Variants in HBS1L observed in about 807,000 individuals in gnomAD.
The protein encoded by HBS1L is HBS1 like translational GTPase, also known as HBS1-like protein.
In HBS1L, 55 loss-of-function variants were observed where a neutral mutation model predicts 88.9. The ratio of observed to expected loss-of-function variants is 0.62; its 90% confidence interval spans 0.50 to 0.77. The LOEUF is 0.77. Among genes scored for constraint, HBS1L ranks in the 30% least tolerant of loss-of-function variants. HBS1L has a pLI of 0.00. For synonymous variants in HBS1L, 267 were observed against 288.5 expected (o/e 0.93, Z 0.76); for missense variants, 741 against 829.3 (o/e 0.89, Z 1.31).
At chr6:135,002,560 C>A in intron 5 of HBS1L, 174 bp downstream of exon 5, 1 of 464,944 alleles carries the variant, frequency 2.2e-6, no homozygotes, top group Non-Finnish European at 3.9e-6. Context: ...AGGCCAGAAT[C>A]AAGCCTAATT....
rs564961442 is a variant in HBS1L at position 134,964,412 on chromosome 6, C to T, written c.*867G>A. 1.3e-5 allele frequency: 2 copies of T among 152,038 alleles called. No homozygotes were observed. Among genetic ancestry groups the T allele is most frequent in the East Asian group, 3.9e-4 (2 of 5,188 alleles). 9.4% of individuals were successfully genotyped at this position (152,038 alleles called of 1,614,324 possible). On this transcript the variant is annotated 3_prime_UTR_variant, in exon 18 of 18. Coordinates refer to ENST00000367837, the MANE Select transcript of HBS1L (RefSeq NM_006620.4). ...TAAGGTAAGCAAGATAAAGAAAGGG[C>T]CATCATAGGTATAATTCTAAAAGTG...
At chr6:135,035,445 AAAT>A (rs1776507236) in intron 4 of HBS1L, among the ~76,000 whole-genome samples, 1 of 149,578 alleles carries the variant, frequency 6.7e-6, no homozygotes, top group Non-Finnish European at 1.5e-5. Flanking sequence ...ATCTTAAAAA[AAAT>A]AATAAGAACA....
chr6:135,024,042 C>T (rs1236017108), intron 4 of HBS1L, among the ~76,000 whole-genome samples: 4 of 152,096 alleles, frequency 2.6e-5, no homozygotes, highest in African/African-American at 9.7e-5. Context: ...AGTGAAACCT[C>T]GCTCCACATA....
intron 7 of HBS1L, among the ~76,000 whole-genome samples, chr6:134,995,552 GC>G (rs1477339103): frequency 1.3e-5 from 2 of 151,778 alleles, no homozygotes; most frequent in African/African-American, 4.8e-5. Context: ...TAGTTCACTT[GC>G]CAGCTCAACT....
intron 4 of HBS1L, among the ~76,000 whole-genome samples, chr6:135,012,935 G>T (rs181695498): frequency 2.6e-5 from 4 of 152,258 alleles, no homozygotes; most frequent in African/African-American, 9.6e-5. Context: ...GAGCCTCTGA[G>T]GTAATTACCA....
intron 4 of HBS1L, among the ~76,000 whole-genome samples, chr6:135,013,308 T>C (rs150349759): frequency 1.3e-5 from 2 of 152,346 alleles, no homozygotes; most frequent in Non-Finnish European, 2.9e-5. Flanking sequence ...AAATGCCAAC[T>C]TCTTTTTCTC....
chr6:135,026,282 A>C (rs1478216706), intron 4 of HBS1L, among the ~76,000 whole-genome samples: 1 of 152,220 alleles, frequency 6.6e-6, no homozygotes, highest in Non-Finnish European at 1.5e-5. Flanking sequence ...TGAGAAATAG[A>C]AAAGGGGTAA....
Position 135,054,694 on chromosome 6 carries a change from C to G in HBS1L, c.-3G>C. The G allele has an allele frequency of 6.2e-7, 1 of 1,614,276 alleles. No individual in the cohort carries two copies. ...CGAACATTCCGATGCCGGGCCATGACGGCGGAGAGGGCGTTTGCCACAGCC... is the reference window on the plus strand; with the variant it reads ...CGAACATTCCGATGCCGGGCCATGAGGGCGGAGAGGGCGTTTGCCACAGCC... On this transcript the variant is annotated 5_prime_UTR_variant, in exon 1 of 18. Coordinates refer to ENST00000367837, the MANE Select transcript of HBS1L (RefSeq NM_006620.4).
At chr6:135,022,939 G>A (rs1489063714) in intron 4 of HBS1L, among the ~76,000 whole-genome samples, 2 of 150,280 alleles carry the variant, frequency 1.3e-5, no homozygotes, top group South Asian at 4.2e-4. Flanking sequence ...AAAAAAAAGA[G>A]GTTGCATCTC....
At chr6:135,012,471 G>A (rs1775803275) in intron 4 of HBS1L, among the ~76,000 whole-genome samples, 1 of 152,146 alleles carries the variant, frequency 6.6e-6, no homozygotes, top group African/African-American at 2.4e-5. Flanking sequence ...AAAATGACTT[G>A]TGCCTGTAGT....
At chr6:135,036,017 C>T (rs1776537487) in intron 4 of HBS1L, 1 of 671,632 alleles carries the variant, frequency 1.5e-6, no homozygotes. Flanking sequence ...TTTCAACAAT[C>T]TCCACAGTAC....
chr6:135,014,173 G>A (rs1159784816), intron 4 of HBS1L, among the ~76,000 whole-genome samples: 1 of 151,890 alleles, frequency 6.6e-6, no homozygotes, highest in Non-Finnish European at 1.5e-5. Context: ...TGAACAAACA[G>A]GAAATACCTT....
chr6:135,046,763 TAA>T (rs1344007822), intron 2 of HBS1L, among the ~76,000 whole-genome samples: 1 of 152,220 alleles, frequency 6.6e-6, no homozygotes, highest in Non-Finnish European at 1.5e-5. Flanking sequence ...AATTAATTGA[TAA>T]AGTCTTTCAA....
At chr6:134,995,495 T>C (rs937880314) in intron 7 of HBS1L, among the ~76,000 whole-genome samples, 1 of 151,906 alleles carries the variant, frequency 6.6e-6, no homozygotes, top group Non-Finnish European at 1.5e-5. Flanking sequence ...AGATGTATTA[T>C]CAAAAAAGCT....
intron 9 of HBS1L, 81 bp downstream of exon 9, chr6:134,987,564 A>G (rs1478825889): frequency 9.5e-6 from 9 of 951,114 alleles, no homozygotes; most frequent in Admixed American, 8.6e-5. Context: ...AATGTACACT[A>G]GTCACATCTA....
intron 4 of HBS1L, among the ~76,000 whole-genome samples, chr6:135,030,572 T>C (rs575038186): frequency 6.6e-6 from 1 of 152,280 alleles, no homozygotes; most frequent in Admixed American, 6.5e-5. Flanking sequence ...TTAGAAAACT[T>C]ATTCTGGCCG....
chr6:135,037,821 T>C, intron 4 of HBS1L: 1 of 1,547,250 alleles, frequency 6.5e-7, no homozygotes, highest in Non-Finnish European at 8.7e-7. Flanking sequence ...ATGATTCTAG[T>C]TTCTTTTCAC....
intron 4 of HBS1L, among the ~76,000 whole-genome samples, chr6:135,011,252 G>A (rs1218587725): frequency 6.6e-6 from 1 of 152,182 alleles, no homozygotes; most frequent in East Asian, 1.9e-4. Context: ...AGGGGCTCAT[G>A]CCTACAAATC....
intron 4 of HBS1L, among the ~76,000 whole-genome samples, chr6:135,031,274 ACT>A (rs1338205083): frequency 6.6e-6 from 1 of 152,072 alleles, no homozygotes; most frequent in Non-Finnish European, 1.5e-5. Flanking sequence ...TTATGTATTC[ACT>A]GATTGATGAA....
Sources: allele counts gnomAD v4.1 joint callset (sites outside exome capture counted in the v4.1 genomes callset), GRCh38; gene constraint gnomAD v4.1.1; transcripts MANE v1.5; gene names NCBI Gene and HGNC (gene_info 2026-07-23, HGNC 2026-07-21).